The following NPAS3 variants were observed in gnomAD, a reference collection of about 807,000 sequenced individuals.
NPAS3 encodes the protein neuronal PAS domain-containing protein 3.
NPAS3 carries 14 observed loss-of-function variants against 73.1 expected under a neutral mutation model. The observed-to-expected ratio is 0.19, with a 90% CI of 0.13 to 0.30. NPAS3 has a LOEUF of 0.30. NPAS3 is among the 10% of genes least tolerant of loss of function. NPAS3 has a pLI of 1.00. For missense variants in NPAS3, 1,096 were observed against 1,250.0 expected (o/e 0.88, Z 1.86); for synonymous variants, 620 against 541.5 (o/e 1.14, Z -2.01).
chr14:33,200,574 CA>C (rs34323673), intron 2 of NPAS3, among the ~76,000 whole-genome samples: 34,513 of 152,012 alleles, frequency 0.23, 5,008 homozygotes, highest in Non-Finnish European at 0.34. Flanking sequence ...CACTAAACCA[CA>C]GGTTGCTAAT....
In NPAS3 at chr14:33,326,296, T is replaced by C. The variant is rs188437878; in HGVS notation, c.386-40890T>C. On this transcript the variant is annotated intron_variant, in intron 3 of 11. Coordinates refer to ENST00000356141, the Ensembl canonical transcript of NPAS3. ...ATTATAAGCATTAACAATTATGGCT[T>C]CAGAAGGGAGTTGAAGTCAGTGAAG... Among the ~76,000 whole-genome samples the C allele has an allele frequency of 2.4e-3, 370 of 152,228 alleles. 1 individual carries two copies. Among genetic ancestry groups the C allele is most frequent in the Admixed American group, 5.5e-3 (84 of 15,284 alleles).
chr14:33,461,011 A>G (rs562747201), intron 4 of NPAS3, among the ~76,000 whole-genome samples: 1 of 152,328 alleles, frequency 6.6e-6, no homozygotes, highest in South Asian at 2.1e-4. Flanking sequence ...ACTGCTCACC[A>G]TATCAACGAT....
intron 4 of NPAS3, among the ~76,000 whole-genome samples, chr14:33,433,356 C>T (rs2048856779): frequency 6.6e-6 from 1 of 152,132 alleles, no homozygotes; most frequent in Admixed American, 6.5e-5. Flanking sequence ...ATAGGGAAAC[C>T]ACACAGCATC....
At chr14:33,708,513 G>A (rs887055401) in intron 6 of NPAS3, among the ~76,000 whole-genome samples, 1 of 152,148 alleles carries the variant, frequency 6.6e-6, no homozygotes, top group African/African-American at 2.4e-5. Context: ...GGAATAAAAG[G>A]CCATTTCTTT....
chr14:33,572,941 T>C (rs1010865939), intron 5 of NPAS3, among the ~76,000 whole-genome samples: 3 of 142,894 alleles, frequency 2.1e-5, no homozygotes, highest in Admixed American at 1.5e-4. Context: ...GAGAATCGCT[T>C]AACCCCGGGA....
chr14:33,519,893 G>A (rs1041978433), intron 4 of NPAS3, among the ~76,000 whole-genome samples: 3 of 152,060 alleles, frequency 2.0e-5, no homozygotes, highest in African/African-American at 4.8e-5. Flanking sequence ...TCCTTGGGAG[G>A]TACGTTAGGG....
At chr14:33,438,775 T>C (rs956273875) in intron 4 of NPAS3, among the ~76,000 whole-genome samples, 2 of 152,098 alleles carry the variant, frequency 1.3e-5, no homozygotes, top group African/African-American at 4.8e-5. Context: ...TAAGAAACAA[T>C]CATTCCCACA....
intron 4 of NPAS3, among the ~76,000 whole-genome samples, chr14:33,467,222 C>T (rs1323626268): frequency 6.6e-6 from 1 of 152,166 alleles, no homozygotes; most frequent in Non-Finnish European, 1.5e-5. Context: ...GAAGAAAAGG[C>T]TTAGGGATTT....
At chr14:33,707,568 C>T (rs1246101606) in intron 6 of NPAS3, among the ~76,000 whole-genome samples, 2 of 151,984 alleles carry the variant, frequency 1.3e-5, no homozygotes, top group Non-Finnish European at 2.9e-5. Context: ...AAGTGATAGG[C>T]GAGAAATAAA....
At chr14:33,533,479 G>T (rs1181207416) in intron 4 of NPAS3, among the ~76,000 whole-genome samples, 1 of 152,184 alleles carries the variant, frequency 6.6e-6, no homozygotes, top group Non-Finnish European at 1.5e-5. Flanking sequence ...AAATATTGGT[G>T]AGAATGTTGA....
chr14:33,448,086 G>A (rs939687979), intron 4 of NPAS3, among the ~76,000 whole-genome samples: 2 of 152,132 alleles, frequency 1.3e-5, no homozygotes, highest in Non-Finnish European at 2.9e-5. Context: ...GTAGGAGGAG[G>A]GATGGAGAAG....
At chr14:32,980,742 T>C (rs1180268241) in intron 1 of NPAS3, among the ~76,000 whole-genome samples, 3 of 152,154 alleles carry the variant, frequency 2.0e-5, no homozygotes, top group African/African-American at 7.2e-5. Flanking sequence ...CGGAAGAAGA[T>C]TTAATGCTTG....
At chr14:32,993,237 G>T (rs1219106239) in intron 1 of NPAS3, among the ~76,000 whole-genome samples, 1 of 152,058 alleles carries the variant, frequency 6.6e-6, no homozygotes, top group Non-Finnish European at 1.5e-5. Context: ...ATGTCCATGG[G>T]CCCTTAAAGC....
At chr14:33,203,516 C>T (rs1000715274) in intron 2 of NPAS3, among the ~76,000 whole-genome samples, 1 of 152,084 alleles carries the variant, frequency 6.6e-6, no homozygotes, top group African/African-American at 2.4e-5. Context: ...GTTCCCCTTC[C>T]TGTGTCCAAG....
At chr14:33,172,208 G>A (rs1376446258) in intron 2 of NPAS3, among the ~76,000 whole-genome samples, 2 of 152,192 alleles carry the variant, frequency 1.3e-5, no homozygotes, top group Non-Finnish European at 2.9e-5. Context: ...CACGCTGTTG[G>A]AAAGATGGCA....
chr14:32,946,941 G>A (rs536377767), intron 1 of NPAS3, among the ~76,000 whole-genome samples: 2 of 152,308 alleles, frequency 1.3e-5, no homozygotes, highest in East Asian at 3.9e-4. Flanking sequence ...ATTATCATCA[G>A]TATGCTAATG....
intron 3 of NPAS3, among the ~76,000 whole-genome samples, chr14:33,333,646 C>T (rs1164039453): frequency 6.6e-6 from 1 of 152,016 alleles, no homozygotes; most frequent in African/African-American, 2.4e-5. Context: ...AGAGTGTGCT[C>T]ATTTGGGTGG....
At chr14:33,123,861 CTTTT>C (rs35332896) in intron 2 of NPAS3, among the ~76,000 whole-genome samples, 7 of 81,166 alleles carry the variant, frequency 8.6e-5, no homozygotes, top group Admixed American at 1.7e-4. Flanking sequence ...TTCTTTCTTT[CTTTT>C]TTTTTTTTTT....
At chr14:33,252,107 G>A (rs1476620818) in intron 3 of NPAS3, among the ~76,000 whole-genome samples, 1 of 149,492 alleles carries the variant, frequency 6.7e-6, no homozygotes, top group Non-Finnish European at 1.5e-5. Flanking sequence ...AACCCATTAT[G>A]TTAGGATCCA....
Sources: gnomAD v4.1 joint callset for allele counts (sites outside exome capture counted in the v4.1 genomes callset) on GRCh38, gnomAD v4.1.1 for gene constraint, MANE v1.5 for transcripts, NCBI Gene and HGNC (gene_info 2026-07-23, HGNC 2026-07-21) for gene names.